The following RHBDF1 variants were observed in gnomAD, a reference collection of about 807,000 sequenced individuals.
RHBDF1 encodes rhomboid 5 homolog 1.
In RHBDF1, 80 loss-of-function variants were observed where a neutral mutation model predicts 98.6. That is an observed-to-expected ratio of 0.81 (90% CI 0.68 to 0.98). The LOEUF is 0.98. RHBDF1 is among the 50% of genes least tolerant of loss of function. The pLI is 0.00. For missense variants in RHBDF1, 1,116 were observed against 1,198.3 expected (o/e 0.93, Z 1.01); for synonymous variants, 512 against 486.8 (o/e 1.05, Z -0.68).
intron 3 of RHBDF1, 129 bp from the exon 4 acceptor site, chr16:63,929 G>A (rs1362193686): frequency 4.8e-6 from 4 of 836,448 alleles, no homozygotes; most frequent in Admixed American, 4.0e-5. Flanking sequence ...GGGTCTGAGT[G>A]GGCAAGGTCT....
rs1222778013 is a variant in RHBDF1, at chr16:62,528, C to A, written c.953+10G>T. On this transcript the variant is annotated intron_variant, in intron 7 of 17. Coordinates refer to ENST00000262316, the MANE Select transcript of RHBDF1 (RefSeq NM_022450.5). ...TCTCTCTGCCCCTCTTCCCTGCCTG[C>A]CGCACTCACAGCATCAGGTGGCTGC... The A allele has an allele frequency of 6.2e-7, 1 of 1,610,832 alleles. No individual in the cohort carries two copies. Among genetic ancestry groups the A allele is most frequent in the Non-Finnish European group, 8.5e-7 (1 of 1,179,732 alleles).
chr16:74,121 G>A (rs574134424), upstream of RHBDF1, among the ~76,000 whole-genome samples: 11 of 152,296 alleles, frequency 7.2e-5, 1 homozygote, highest in South Asian at 4.1e-4. Flanking sequence ...CACGGACACC[G>A]GGTGAGAGGG....
At chr16:68,624 A>G (rs1255662363) in intron 1 of RHBDF1, among the ~76,000 whole-genome samples, 1 of 151,470 alleles carries the variant, frequency 6.6e-6, no homozygotes, top group Non-Finnish European at 1.5e-5. Flanking sequence ...CCCCATCAGG[A>G]GACACCCAAA....
In RHBDF1 at chr16:58,308, G is replaced by A. The variant is rs762279115; in HGVS notation, c.*32C>T. 4.4e-6 allele frequency: 7 copies of A among 1,590,018 alleles called. No homozygotes were observed. Among genetic ancestry groups the A allele is most frequent in the Admixed American group, 1.7e-5 (1 of 58,738 alleles). ...AGGTCGTGTCTGGCTCTGGCCTGCT[G>A]GAGCACACGGCCGCTGGAGCCCGCA... On this transcript the variant is annotated 3_prime_UTR_variant, in exon 18 of 18. Transcript: ENST00000262316.
At chr16:74,091 G>A (rs1021247341), upstream of RHBDF1, 2 of 245,472 alleles carry the variant, frequency 8.1e-6, no homozygotes, top group Non-Finnish European at 1.3e-5. Context: ...AACTCCACCA[G>A]GGGATGACTG....
rs1340369850 is a variant in RHBDF1, at chr16:59,028, C to T, written c.2094G>A (p.Leu698=). 1.9e-6 allele frequency: 3 copies of T among 1,613,302 alleles called. No homozygotes were observed. The highest frequency in any genetic ancestry group is 2.5e-6 in the Non-Finnish European group (3 of 1,180,040). Residue 698 remains leucine (L), a synonymous_variant, in exon 17 of 18, where the codon CTG becomes CTA. Coordinates refer to ENST00000262316, the MANE Select transcript of RHBDF1 (RefSeq NM_022450.5). ...TGGCCAGGTTGCCGGTGACACCACT[C>T]AGCAGGTAGATGATGGCTATGCGGT... The part of the protein sequence containing the change: ...GWHRIAIIYL[L]SGVTGNLASA...
At chr16:72,434 G>C (rs1447784798) in intron 1 of RHBDF1, 79 bp downstream of exon 1, 1 of 624,086 alleles carries the variant, frequency 1.6e-6, no homozygotes, top group Non-Finnish European at 1.8e-6. Context: ...CGGGTGCTGA[G>C]GACTCGCCCC....
intron 1 of RHBDF1, among the ~76,000 whole-genome samples, chr16:69,594 G>A (rs1897918981): frequency 6.6e-6 from 1 of 152,108 alleles, no homozygotes; most frequent in Non-Finnish European, 1.5e-5. Flanking sequence ...TTGAGAAGGG[G>A]GTCACCAGCT....
At chr16:66,123 G>T (rs1462298540) in intron 1 of RHBDF1, among the ~76,000 whole-genome samples, 1 of 152,218 alleles carries the variant, frequency 6.6e-6, no homozygotes, top group Non-Finnish European at 1.5e-5. Flanking sequence ...ATTGAGAAGG[G>T]CCCCTGAGCA....
intron 3 of RHBDF1, chr16:64,452 G>A (rs1194308918): frequency 2.0e-6 from 3 of 1,485,996 alleles, no homozygotes; most frequent in Non-Finnish European, 2.7e-6. Context: ...TAAGAGGCAA[G>A]AGCATCCGGG....
chr16:61,322 C>T, intron 10 of RHBDF1, 41 bp from the exon 11 acceptor site: 1 of 1,543,172 alleles, frequency 6.5e-7, no homozygotes, highest in Non-Finnish European at 8.7e-7. Flanking sequence ...CCGGGGCCTC[C>T]TGCCCCCGCC....
chr16:71,163 T>A (rs909123502), intron 1 of RHBDF1, among the ~76,000 whole-genome samples: 5 of 151,938 alleles, frequency 3.3e-5, no homozygotes, highest in Admixed American at 2.0e-4. Context: ...CTCCCCAAGG[T>A]GGGGACCGGC....
Position 62,817 on chromosome 16 carries a change from T to C in RHBDF1, c.753A>G (p.Thr251=), listed in dbSNP as rs1052597580. ...FTPASFLEED[T]TDFPDELDTS... ...TGTCCAGCTCATCGGGGAAATCAGTTGTGTCCTCCTCCAGAAAGCTAGCTG... is the reference window on the plus strand; with the variant it reads ...TGTCCAGCTCATCGGGGAAATCAGTCGTGTCCTCCTCCAGAAAGCTAGCTG... The change falls in exon 6 of 18, where the codon ACA becomes ACG. Residue 251 remains threonine, a synonymous_variant. Coordinates refer to ENST00000262316, the MANE Select transcript of RHBDF1 (RefSeq NM_022450.5). 2 of 1,613,976 alleles carry C rather than the reference T, an allele frequency of 1.2e-6. No individual in the cohort carries two copies. The highest frequency in any genetic ancestry group is 1.7e-6 in the Non-Finnish European group (2 of 1,179,988).
Position 60,289 on chromosome 16 carries a change from C to T in RHBDF1, c.1659-10G>A, listed in dbSNP as rs1337471001. ...GGGCTCATCACACACCCTGCATGAGCCAAGTATGTGGTCAGACCGGCTTCG... is the reference window on the plus strand; with the variant it reads ...GGGCTCATCACACACCCTGCATGAGTCAAGTATGTGGTCAGACCGGCTTCG... On this transcript the variant is annotated splice_polypyrimidine_tract_variant and intron_variant, in intron 12 of 17. Coordinates refer to ENST00000262316, the MANE Select transcript of RHBDF1 (RefSeq NM_022450.5). 6.8e-6 allele frequency: 11 copies of T among 1,614,046 alleles called. No homozygotes were observed. Among genetic ancestry groups the T allele is most frequent in the Non-Finnish European group, 9.3e-6 (11 of 1,180,016 alleles).
chr16:61,834 A>G lies in RHBDF1; in HGVS notation c.1172T>C (p.Phe391Ser), dbSNP rs761566719. ...NRTYRKRIDS[F>S]VKRQIEDMDD... ...CATGTCCTCGATCTGGCGCTTGACG[A>G]AGCTGTCGATGCGCTTGCGGTAGGT... Residue 391 changes from phenylalanine to serine, a missense_variant, in exon 8 of 18, where the codon TTC becomes TCC. Physicochemically the swap from Phe to Ser is radical, Grantham distance 155. Coordinates refer to ENST00000262316, the MANE Select transcript of RHBDF1 (RefSeq NM_022450.5). The G allele has an allele frequency of 6.8e-6, 11 of 1,612,382 alleles. No individual in the cohort carries two copies. Among genetic ancestry groups the G allele is most frequent in the Non-Finnish European group, 4.2e-6 (5 of 1,179,752 alleles).
chr16:60,187 T>A (rs776446031), intron 13 of RHBDF1, 29 bp downstream of exon 13: 1 of 1,613,570 alleles, frequency 6.2e-7, no homozygotes, highest in East Asian at 2.2e-5. Flanking sequence ...CACGGAGGGC[T>A]CCCTAACAAC....
chr16:68,911 G>C (rs1897899983), intron 1 of RHBDF1, among the ~76,000 whole-genome samples: 1 of 152,160 alleles, frequency 6.6e-6, no homozygotes, highest in South Asian at 2.1e-4. Flanking sequence ...GAGGCCACTG[G>C]GGACAGCCCA....
intron 1 of RHBDF1, among the ~76,000 whole-genome samples, chr16:70,420 C>A (rs1256968059): frequency 3.3e-5 from 5 of 152,224 alleles, no homozygotes; most frequent in Non-Finnish European, 5.9e-5. Context: ...ACCCTACACA[C>A]ATGCACCCAG....
intron 1 of RHBDF1, among the ~76,000 whole-genome samples, chr16:67,291 TAGTG>T (rs1468078626): frequency 6.6e-6 from 1 of 152,144 alleles, no homozygotes; most frequent in African/African-American, 2.4e-5. Flanking sequence ...CGAATGCTCT[TAGTG>T]AGGCCATTAT....
Sources: gnomAD v4.1 joint callset for allele counts (sites outside exome capture counted in the v4.1 genomes callset) on GRCh38, gnomAD v4.1.1 for gene constraint, MANE v1.5 for transcripts, NCBI Gene and HGNC (gene_info 2026-07-23, HGNC 2026-07-21) for gene names.